Variants in KLHL12 observed in about 807,000 individuals in gnomAD.
KLHL12 encodes the protein kelch like family member 12, also known as kelch-like protein 12.
In KLHL12, 17 loss-of-function variants were observed where a neutral mutation model predicts 60.8. The ratio of observed to expected loss-of-function variants is 0.28; its 90% confidence interval spans 0.19 to 0.42. The LOEUF (loss-of-function observed/expected upper bound fraction) is 0.42, where lower values mean the gene tolerates loss of function less well. KLHL12 is among the 10% of genes least tolerant of loss of function. The pLI, the probability that KLHL12 is intolerant of heterozygous loss-of-function variation, is 1.00. For synonymous variants in KLHL12, 220 were observed against 250.9 expected (o/e 0.88, Z 1.16); for missense variants, 468 against 722.3 (o/e 0.65, Z 4.04).
intron 7 of KLHL12, among the ~76,000 whole-genome samples, chr1:202,896,093 A>G (rs1323275770): frequency 1.3e-5 from 2 of 152,240 alleles, no homozygotes; most frequent in Non-Finnish European, 2.9e-5. Flanking sequence ...AGGATTTATT[A>G]TAAGAACCTT....
rs777709619 is a variant in KLHL12 at position 202,924,922 on chromosome 1, T to C, written c.195+46A>G. 4.4e-6 allele frequency: 7 copies of C among 1,580,896 alleles called. No homozygotes were observed. In the African/African-American group the frequency reaches 8.1e-5, roughly 18 times the overall value. On this transcript the variant is annotated intron_variant, in intron 2 of 11. Transcript: ENST00000367261. Reference sequence around the variant, plus strand: ...ATTTTATTCAGTGAAATTAGACAACTAGAGTTCCACGGGTTTCATTTGTGT... The same window carrying C: ...ATTTTATTCAGTGAAATTAGACAACCAGAGTTCCACGGGTTTCATTTGTGT...
intron 5 of KLHL12, among the ~76,000 whole-genome samples, chr1:202,910,768 A>G (rs1177593784): frequency 6.6e-6 from 1 of 152,166 alleles, no homozygotes; most frequent in Non-Finnish European, 1.5e-5. Flanking sequence ...AAGGGGACAA[A>G]GTTTATTATC....
At chr1:202,910,398 C>CCATGCT (rs1660318728) in intron 5 of KLHL12, among the ~76,000 whole-genome samples, 1 of 152,128 alleles carries the variant, frequency 6.6e-6, no homozygotes, top group Non-Finnish European at 1.5e-5. Context: ...GTGACACTGA[C>CCATGCT]CATGCTGCAA....
intron 7 of KLHL12, 53 bp downstream of exon 7, chr1:202,896,801 G>A: frequency 7.6e-7 from 1 of 1,322,272 alleles, no homozygotes; most frequent in Non-Finnish European, 1.1e-6. Flanking sequence ...TCTGGAGGCA[G>A]AGACTGAGGA....
In KLHL12 at chr1:202,911,043, G is replaced by T; in HGVS notation, c.717+11C>A. ...CAAGGTTTTGGATCCTGAGAGTGTTGCACTACTTACCTCAGCATCTATTAC... is the reference window on the plus strand; with the variant it reads ...CAAGGTTTTGGATCCTGAGAGTGTTTCACTACTTACCTCAGCATCTATTAC... On this transcript the variant is annotated intron_variant, in intron 5 of 11. Transcript: ENST00000367261. 1 of 1,613,526 alleles carries T rather than the reference G, an allele frequency of 6.2e-7. No homozygotes were observed. The highest frequency in any genetic ancestry group is 1.1e-5 in the South Asian group (1 of 91,030).
At chr1:202,927,435 C>A (rs1653643019), upstream of KLHL12, among the ~76,000 whole-genome samples, 1 of 148,382 alleles carries the variant, frequency 6.7e-6, no homozygotes, top group South Asian at 2.1e-4. Context: ...ATAATCCCGG[C>A]ACTTTGGCAG....
chr1:202,897,228 C>CTTTTTTTTTTT (rs11305071), intron 6 of KLHL12, among the ~76,000 whole-genome samples: 76 of 82,196 alleles, frequency 9.2e-4, no homozygotes, highest in Non-Finnish European at 1.1e-3. Context: ...ATTTCTTTTT[C>CTTTTTTTTTTT]TTTTTTTTTT....
At position 202,919,755 on chromosome 1, in the gene KLHL12, C is replaced by T; in HGVS notation, c.349G>A (p.Gly117Ser). ...LPAACLLQLK[G>S]VKQACCEFLE... ...CAATAGCAAGTTTTAATGTCTGTAC[C>T]TTTCAACTGAAGCAGACAGGCTGCA... is the stretch of plus-strand genomic sequence containing the variant. The change falls in exon 3 of 12, where the codon GGT (glycine) becomes AGT (serine). Residue 117 changes from glycine (G) to serine (S), a missense_variant and splice_region_variant. By Grantham distance (56) the Gly-to-Ser change is moderately conservative (BLOSUM62 0). Coordinates refer to ENST00000367261, the MANE Select transcript of KLHL12 (RefSeq NM_021633.4). 1 of 1,609,844 alleles carries T rather than the reference C, an allele frequency of 6.2e-7. No homozygotes were observed. The highest frequency in any genetic ancestry group is 1.3e-5 in the African/African-American group (1 of 74,820).
chr1:202,910,635 T>A (rs1488848788), intron 5 of KLHL12, among the ~76,000 whole-genome samples: 1 of 152,218 alleles, frequency 6.6e-6, no homozygotes, highest in South Asian at 2.1e-4. Context: ...CAACATGATA[T>A]GATTAAAGTT....
chr1:202,899,838 A>C (rs7543724), intron 6 of KLHL12, among the ~76,000 whole-genome samples: 1 of 148,054 alleles, frequency 6.8e-6, no homozygotes, highest in Non-Finnish European at 1.5e-5. Flanking sequence ...AAAAAAAAAA[A>C]AATAATAATA....
intron 6 of KLHL12, among the ~76,000 whole-genome samples, chr1:202,907,479 G>A (rs754030830): frequency 2.6e-4 from 40 of 151,672 alleles, no homozygotes; most frequent in East Asian, 3.9e-4. Context: ...GCAGTCGCCT[G>A]TTGTCCCAGC....
At chr1:202,901,004 C>A (rs1659989822) in intron 6 of KLHL12, among the ~76,000 whole-genome samples, 1 of 151,992 alleles carries the variant, frequency 6.6e-6, no homozygotes, top group Admixed American at 6.6e-5. Context: ...CGAGATCATG[C>A]CGCTACACTC....
At position 202,925,076 on chromosome 1, in the gene KLHL12, G is replaced by A. The variant is rs1280640754; in HGVS notation, c.87C>T (p.Ser29=). The part of the protein sequence containing the change: ...ILNSMNSLRK[S]NTLCDVTLRV... Reference sequence around the variant, plus strand: ...TCAATGTCACATCACAGAGGGTATTGCTCTTCCTGAGGGAGTTCATTGAAT... The same window carrying A: ...TCAATGTCACATCACAGAGGGTATTACTCTTCCTGAGGGAGTTCATTGAAT... Residue 29 remains serine, a synonymous_variant, in exon 2 of 12, where the codon AGC becomes AGT. Coordinates refer to ENST00000367261, the MANE Select transcript of KLHL12 (RefSeq NM_021633.4). The A allele has an allele frequency of 1.2e-6, 2 of 1,614,138 alleles. No homozygotes were observed. The highest frequency in any genetic ancestry group is 1.7e-6 in the Non-Finnish European group (2 of 1,180,022).
chr1:202,921,295 C>T lies in KLHL12; in HGVS notation c.196-1387G>A, dbSNP rs868031265. Reference sequence around the variant, plus strand: ...GTTCAAGCGATTCTCCTGCCTCAGCCGCCTGAGTAGCTGGGACTACAGGCA... The same window carrying T: ...GTTCAAGCGATTCTCCTGCCTCAGCTGCCTGAGTAGCTGGGACTACAGGCA... On this transcript the variant is annotated intron_variant, in intron 2 of 11. Coordinates refer to ENST00000367261, the MANE Select transcript of KLHL12 (RefSeq NM_021633.4). 2.0e-5 allele frequency among the ~76,000 whole-genome samples: 3 copies of T among 152,100 alleles called. No homozygotes were observed. The East Asian group carries it at 5.8e-4, about 29-fold the overall frequency.
intron 3 of KLHL12, among the ~76,000 whole-genome samples, chr1:202,918,876 C>CTTAATACA (rs1660602383): frequency 6.6e-6 from 1 of 152,178 alleles, no homozygotes; most frequent in Admixed American, 6.5e-5. Flanking sequence ...AAGCTTCACA[C>CTTAATACA]TGTTTAAATC....
At chr1:202,894,847 A>G (rs1441932605) in intron 8 of KLHL12, 98 bp from the exon 9 acceptor site, 17 of 948,028 alleles carry the variant, frequency 1.8e-5, no homozygotes, top group Non-Finnish European at 2.6e-5. Flanking sequence ...AAAGTCTGAG[A>G]GCAAAAACAA....
chr1:202,911,506 C>T (rs563707044), intron 4 of KLHL12, among the ~76,000 whole-genome samples: 3 of 151,982 alleles, frequency 2.0e-5, no homozygotes, highest in East Asian at 1.9e-4. Flanking sequence ...AATAAATCAC[C>T]AGTCACGTAT....
Position 202,914,627 on chromosome 1 carries a change from G to A in KLHL12, c.568-3424C>T, listed in dbSNP as rs531573088. ...TCACGCCTGTAATCTCAGCACTTTGGGAGGCCGAGGCGGGTGGATCACGAG... is the reference window on the plus strand; with the variant it reads ...TCACGCCTGTAATCTCAGCACTTTGAGAGGCCGAGGCGGGTGGATCACGAG... On this transcript the variant is annotated intron_variant, in intron 4 of 11. Transcript: ENST00000367261. Among the ~76,000 whole-genome samples the A allele has an allele frequency of 7.2e-5, 11 of 152,202 alleles. No individual in the cohort carries two copies. The East Asian group carries it at 2.1e-3, about 29-fold the overall frequency.
chr1:202,920,931 C>T (rs975736722), intron 2 of KLHL12, among the ~76,000 whole-genome samples: 7 of 152,146 alleles, frequency 4.6e-5, no homozygotes, highest in African/African-American at 1.7e-4. Flanking sequence ...AAAGAAATTT[C>T]ATGTTCGTAG....
Sources: allele counts gnomAD v4.1 joint callset (sites outside exome capture counted in the v4.1 genomes callset), GRCh38; gene constraint gnomAD v4.1.1; transcripts MANE v1.5; gene names NCBI Gene and HGNC (gene_info 2026-07-23, HGNC 2026-07-21).